The following APP variants were observed in gnomAD, a reference collection of about 807,000 sequenced individuals.
APP encodes amyloid-beta precursor protein.
APP carries 31 observed loss-of-function variants against 101.4 expected under a neutral mutation model. The observed-to-expected ratio is 0.31, with a 90% CI of 0.23 to 0.41. APP has a LOEUF of 0.41. APP is among the 10% of genes least tolerant of loss of function. The pLI, the probability that APP is intolerant of heterozygous loss-of-function variation, is 1.00. For synonymous variants in APP, 366 were observed against 364.4 expected (o/e 1.00, Z -0.05); for missense variants, 839 against 1,003.7 (o/e 0.84, Z 2.22).
At chr21:26,136,139 A>G (rs868060041) in intron 1 of APP, among the ~76,000 whole-genome samples, 3 of 74,826 alleles carry the variant, frequency 4.0e-5, no homozygotes, top group African/African-American at 3.7e-4. Flanking sequence ...TCAAAAAAGA[A>G]AAAAGAAAAG....
chr21:25,931,730 C>T (rs1391209513), intron 13 of APP, among the ~76,000 whole-genome samples: 1 of 152,198 alleles, frequency 6.6e-6, no homozygotes, highest in African/African-American at 2.4e-5. Flanking sequence ...GGATAAACTT[C>T]TAATTCTTGA....
intron 1 of APP, among the ~76,000 whole-genome samples, chr21:26,139,684 A>C (rs2062998143): frequency 6.6e-6 from 1 of 152,280 alleles, no homozygotes; most frequent in African/African-American, 2.4e-5. Context: ...CACGAGGTCA[A>C]GAGATCAAGA....
chr21:26,139,976 C>A (rs1379371063), intron 1 of APP, among the ~76,000 whole-genome samples: 1 of 152,224 alleles, frequency 6.6e-6, no homozygotes, highest in African/African-American at 2.4e-5. Context: ...TGGTAGAGAA[C>A]TGCACTGCAT....
At chr21:26,161,605 T>A (rs569619892) in intron 1 of APP, among the ~76,000 whole-genome samples, 38 of 152,342 alleles carry the variant, frequency 2.5e-4, no homozygotes, top group African/African-American at 8.2e-4. Context: ...AATTTTAAAT[T>A]GCTAATCAAT....
At chr21:25,894,941 C>T (rs1340893327) in intron 16 of APP, among the ~76,000 whole-genome samples, 1 of 152,098 alleles carries the variant, frequency 6.6e-6, no homozygotes, top group Non-Finnish European at 1.5e-5. Flanking sequence ...AGGAAATTGC[C>T]ACAGCCACCA....
intron 16 of APP, among the ~76,000 whole-genome samples, chr21:25,897,067 C>T (rs1412930126): frequency 3.3e-5 from 5 of 151,998 alleles, no homozygotes; most frequent in Non-Finnish European, 5.9e-5. Flanking sequence ...CTTTAAGTCC[C>T]GAGTCATGCA....
At chr21:25,983,800 T>C (rs2042531875) in intron 8 of APP, among the ~76,000 whole-genome samples, 1 of 152,216 alleles carries the variant, frequency 6.6e-6, no homozygotes, top group South Asian at 2.1e-4. Context: ...GCTGCCCCTG[T>C]CTTCTCTGTA....
chr21:25,899,398 C>G (rs1252946812), intron 15 of APP, among the ~76,000 whole-genome samples: 1 of 152,176 alleles, frequency 6.6e-6, no homozygotes, highest in Non-Finnish European at 1.5e-5. Flanking sequence ...GTGACTTGCT[C>G]TAGTGAACAG....
At chr21:25,998,150 T>C (rs2242688) in intron 7 of APP, among the ~76,000 whole-genome samples, 6,596 of 152,106 alleles carry the variant, frequency 0.043, 464 homozygotes, top group African/African-American at 0.15. Context: ...AAACTATACA[T>C]GATATTTCAG....
At chr21:26,035,119 C>G (rs1239533922) in intron 5 of APP, among the ~76,000 whole-genome samples, 1 of 151,508 alleles carries the variant, frequency 6.6e-6, no homozygotes, top group Admixed American at 6.6e-5. Flanking sequence ...GATCTTGTCT[C>G]CACTAAAAAT....
chr21:26,065,010 C>T lies in APP; in HGVS notation c.356-11662G>A, dbSNP rs149114246. Among the ~76,000 whole-genome samples, 8 of 152,350 alleles carry T rather than the reference C, an allele frequency of 5.3e-5. No individual in the cohort carries two copies. In the East Asian group the frequency reaches 7.7e-4, roughly 15 times the overall value. ...CTGGGACTACAGGCCTGCGCCACCA[C>T]GCCCAGCTGGTTTTTGTATTTTTAG... On this transcript the variant is annotated intron_variant, in intron 3 of 17. Transcript: ENST00000346798.
chr21:25,995,655 T>C (rs986405445), intron 8 of APP, among the ~76,000 whole-genome samples: 16 of 152,242 alleles, frequency 1.1e-4, no homozygotes, highest in Admixed American at 2.0e-4. Flanking sequence ...GTCAACACTA[T>C]AGTGGAATAG....
intron 17 of APP, among the ~76,000 whole-genome samples, chr21:25,883,897 G>A (rs2037154894): frequency 6.6e-6 from 1 of 152,002 alleles, no homozygotes; most frequent in Non-Finnish European, 1.5e-5. Flanking sequence ...CATCCATTAT[G>A]TGCCCATTTT....
intron 1 of APP, among the ~76,000 whole-genome samples, chr21:26,164,771 G>A (rs187753020): frequency 2.0e-5 from 3 of 150,968 alleles, no homozygotes; most frequent in South Asian, 2.1e-4. Context: ...CAGGAGAATC[G>A]CTTGAACCCA....
chr21:26,104,187 T>C (rs1392690194), intron 2 of APP, among the ~76,000 whole-genome samples: 1 of 150,956 alleles, frequency 6.6e-6, no homozygotes, highest in Non-Finnish European at 1.5e-5. Context: ...ATCTAACAGT[T>C]ATCACCTCCC....
intron 3 of APP, among the ~76,000 whole-genome samples, chr21:26,086,425 C>T (rs1320826230): frequency 6.6e-6 from 1 of 152,182 alleles, no homozygotes; most frequent in Non-Finnish European, 1.5e-5. Flanking sequence ...TCCAGTGCCA[C>T]ACTGGATCCT....
intron 1 of APP, chr21:26,140,355 C>G (rs553972189): frequency 1.3e-6 from 2 of 1,500,012 alleles, no homozygotes; most frequent in Non-Finnish European, 1.8e-6. Flanking sequence ...CAACACTAAC[C>G]CAACTTCTAC....
At chr21:25,924,832 C>T (rs563318902) in intron 13 of APP, among the ~76,000 whole-genome samples, 5 of 151,832 alleles carry the variant, frequency 3.3e-5, no homozygotes, top group South Asian at 2.1e-4. Flanking sequence ...TGAAGTCCCT[C>T]GGCTTGCTGG....
chr21:26,167,290 T>C (rs1486509440), intron 1 of APP, among the ~76,000 whole-genome samples: 1 of 152,204 alleles, frequency 6.6e-6, no homozygotes, highest in Non-Finnish European at 1.5e-5. Context: ...TAATGAGGTA[T>C]GCAGTCGAAC....
Sources: allele counts gnomAD v4.1 joint callset (sites outside exome capture counted in the v4.1 genomes callset), GRCh38; gene constraint gnomAD v4.1.1; transcripts MANE v1.5; gene names NCBI Gene and HGNC (gene_info 2026-07-23, HGNC 2026-07-21).